The following GALNT13 variants were observed in gnomAD, a reference collection of about 807,000 sequenced individuals.
The protein encoded by GALNT13 is polypeptide N-acetylgalactosaminyltransferase 13.
A neutral mutation model predicts 64.2 loss-of-function variants in GALNT13; 28 were observed. The observed-to-expected ratio is 0.44, with a 90% CI of 0.32 to 0.60. The LOEUF is 0.60. GALNT13 is among the 20% of genes least tolerant of loss of function. The pLI is 0.05. For missense variants in GALNT13, 577 were observed against 669.8 expected, an observed-to-expected ratio of 0.86 and a Z score of 1.53; for synonymous variants, 214 against 224.6, an observed-to-expected ratio of 0.95 and a Z score of 0.42.
chr2:154,134,819 C>T (rs1393884030), intron 3 of GALNT13, among the ~76,000 whole-genome samples: 1 of 152,096 alleles, frequency 6.6e-6, no homozygotes, highest in African/African-American at 2.4e-5. Context: ...TGGCAAAACC[C>T]AGTGTCTAAT....
chr2:153,515,659 TG>T, the GALNT13 span, among the ~76,000 whole-genome samples: 1 of 152,184 alleles, frequency 6.6e-6, no homozygotes, highest in African/African-American at 2.4e-5. Flanking sequence ...ATTAAGTATA[TG>T]ATCCTATGGG....
the GALNT13 span, among the ~76,000 whole-genome samples, chr2:153,566,348 G>GTTTTTT: frequency 3.6e-4 from 27 of 74,794 alleles, 2 homozygotes; most frequent in African/African-American, 8.9e-4. Flanking sequence ...TTCTAATCAC[G>GTTTTTT]TTTTTTTTTT....
chr2:153,405,031 C>G, the GALNT13 span, among the ~76,000 whole-genome samples: 3 of 152,136 alleles, frequency 2.0e-5, no homozygotes, highest in African/African-American at 7.2e-5. Context: ...TACTGCTAGC[C>G]AGAGCTTGTG....
At chr2:153,343,491 A>G in the GALNT13 span, among the ~76,000 whole-genome samples, 5 of 152,184 alleles carry the variant, frequency 3.3e-5, no homozygotes, top group African/African-American at 1.2e-4. Flanking sequence ...ATAAATCTTC[A>G]AGAAGTTATT....
the GALNT13 span, among the ~76,000 whole-genome samples, chr2:153,807,778 A>G: frequency 6.6e-6 from 1 of 151,922 alleles, no homozygotes; most frequent in African/African-American, 2.4e-5. Flanking sequence ...CGCTGGGATT[A>G]TTGTCTTGTA....
chr2:154,048,173 T>TA (rs1391086788), intron 3 of GALNT13, among the ~76,000 whole-genome samples: 2 of 152,052 alleles, frequency 1.3e-5, no homozygotes, highest in African/African-American at 4.8e-5. Context: ...TACACAATTT[T>TA]AAAAAACTAG....
the GALNT13 span, among the ~76,000 whole-genome samples, chr2:153,764,980 G>C: frequency 6.6e-6 from 1 of 152,344 alleles, no homozygotes; most frequent in Middle Eastern, 3.4e-3. Context: ...CAAGAACTGA[G>C]GTTTGGAAAA....
chr2:154,123,139 A>C (rs758390845), intron 3 of GALNT13, among the ~76,000 whole-genome samples: 7 of 152,046 alleles, frequency 4.6e-5, no homozygotes, highest in Non-Finnish European at 1.0e-4. Context: ...AGCTGAAGGA[A>C]ATTTTTTCTA....
the GALNT13 span, among the ~76,000 whole-genome samples, chr2:153,354,519 G>T: frequency 6.6e-6 from 1 of 152,138 alleles, no homozygotes; most frequent in South Asian, 2.1e-4. Flanking sequence ...TAACAACAAG[G>T]CTCTAAAACG....
intron 3 of GALNT13, among the ~76,000 whole-genome samples, chr2:154,085,121 T>C (rs1701462346): frequency 6.6e-6 from 1 of 151,948 alleles, no homozygotes. Context: ...CACACTTGCC[T>C]GCCCATGAAA....
intron 3 of GALNT13, among the ~76,000 whole-genome samples, chr2:153,982,885 C>A (rs1694559568): frequency 6.6e-6 from 1 of 151,720 alleles, no homozygotes; most frequent in Admixed American, 6.6e-5. Flanking sequence ...ATTTTCTCTG[C>A]CGTGGTGCTG....
At chr2:153,886,025 G>T in intron 1 of GALNT13, among the ~76,000 whole-genome samples, 1 of 152,016 alleles carries the variant, frequency 6.6e-6, no homozygotes, top group East Asian at 1.9e-4. Context: ...GAGAGAAAGA[G>T]AGAGAAATGA....
the GALNT13 span, among the ~76,000 whole-genome samples, chr2:153,607,262 T>C: frequency 2.0e-5 from 3 of 152,134 alleles, no homozygotes; most frequent in East Asian, 5.8e-4. Context: ...GGCAACTGCA[T>C]TCCTTCATCC....
chr2:154,379,006 C>A (rs1392812113), intron 9 of GALNT13, among the ~76,000 whole-genome samples: 1 of 151,908 alleles, frequency 6.6e-6, no homozygotes, highest in Non-Finnish European at 1.5e-5. Context: ...TTTCCTGTTA[C>A]AGTACGTAAA....
At chr2:154,301,990 A>G (rs1363190354) in intron 9 of GALNT13, among the ~76,000 whole-genome samples, 1 of 152,106 alleles carries the variant, frequency 6.6e-6, no homozygotes, top group African/African-American at 2.4e-5. Context: ...AACATAGTAA[A>G]TTATCAATAA....
chr2:153,854,763 A>G, the GALNT13 span, among the ~76,000 whole-genome samples: 1 of 152,232 alleles, frequency 6.6e-6, no homozygotes, highest in East Asian at 1.9e-4. Flanking sequence ...TATGGTTTCA[A>G]TATAAATAAA....
chr2:153,993,660 T>C (rs1473319), intron 3 of GALNT13, among the ~76,000 whole-genome samples: 111,357 of 145,482 alleles, frequency 0.77, 42,971 homozygotes, highest in East Asian at 0.96. Context: ...CGTGCCACTG[T>C]ACTTCAGCCT....
the GALNT13 span, among the ~76,000 whole-genome samples, chr2:153,610,214 A>G: frequency 2.6e-5 from 4 of 152,212 alleles, no homozygotes; most frequent in African/African-American, 9.6e-5. Flanking sequence ...AACTGAAACC[A>G]AACAACAAAC....
chr2:153,340,603 C>T, the GALNT13 span, among the ~76,000 whole-genome samples: 6 of 151,346 alleles, frequency 4.0e-5, no homozygotes, highest in Admixed American at 1.3e-4. Context: ...TGCAGTGAGC[C>T]GAGATTGCAC....
Sources: allele counts gnomAD v4.1 joint callset (sites outside exome capture counted in the v4.1 genomes callset), GRCh38; gene constraint gnomAD v4.1.1; transcripts MANE v1.5; gene names NCBI Gene and HGNC (gene_info 2026-07-23, HGNC 2026-07-21).